Variants in INPP5D observed in about 807,000 individuals in gnomAD.
INPP5D encodes inositol polyphosphate-5-phosphatase D.
In INPP5D, 33 loss-of-function variants were observed where a neutral mutation model predicts 122.9. That is an observed-to-expected ratio of 0.27 (90% confidence interval 0.20 to 0.36). The LOEUF is 0.36. Ranked by LOEUF, INPP5D falls within the 10% of genes least tolerant of loss-of-function variation. INPP5D has a pLI of 1.00. For synonymous variants in INPP5D, 584 were observed against 576.2 expected (o/e 1.01, Z -0.19); for missense variants, 1,053 against 1,412.7 (o/e 0.75, Z 4.08).
intron 25 of INPP5D, among the ~76,000 whole-genome samples, chr2:233,203,680 C>T (rs909375157): frequency 1.3e-5 from 2 of 152,132 alleles, no homozygotes; most frequent in Admixed American, 6.5e-5. Flanking sequence ...CTGCTTGAAG[C>T]GAAGAGTTCA....
chr2:233,198,019 G>GAC, intron 24 of INPP5D, 76 bp from the exon 25 acceptor site: 1 of 1,456,152 alleles, frequency 6.9e-7, no homozygotes, highest in East Asian at 2.5e-5. Context: ...GTTATCAGAG[G>GAC]ACACTTTCCT....
intron 9 of INPP5D, 151 bp from the exon 10 acceptor site, chr2:233,158,162 C>CT: frequency 3.4e-6 from 2 of 582,010 alleles, no homozygotes; most frequent in Non-Finnish European, 6.1e-6. Flanking sequence ...GGAAGAGCAG[C>CT]TGGAAGCAGA....
intron 2 of INPP5D, among the ~76,000 whole-genome samples, chr2:233,080,580 G>GCT (rs1691656827): frequency 6.6e-6 from 1 of 152,192 alleles, no homozygotes; most frequent in Non-Finnish European, 1.5e-5. Context: ...TCATGTCATG[G>GCT]AAGAGCAATG....
At chr2:233,065,307 GT>G (rs376982879) in intron 1 of INPP5D, among the ~76,000 whole-genome samples, 34 of 116,954 alleles carry the variant, frequency 2.9e-4, no homozygotes, top group African/African-American at 7.2e-4. Flanking sequence ...CACTTCTTGG[GT>G]TTTTTTTTTT....
chr2:233,110,850 G>A (rs192026025), intron 2 of INPP5D, among the ~76,000 whole-genome samples: 4 of 152,016 alleles, frequency 2.6e-5, no homozygotes, highest in Admixed American at 6.5e-5. Context: ...GCTTGAACTC[G>A]GGAGGCGGAG....
chr2:233,082,992 G>T lies in INPP5D; in HGVS notation c.198+3594G>T, dbSNP rs1280666603. Among the ~76,000 whole-genome samples, 2 of 152,206 alleles carry T rather than the reference G, an allele frequency of 1.3e-5. No homozygotes were observed. The highest frequency in any genetic ancestry group is 4.8e-5 in the African/African-American group (2 of 41,454). Reference sequence around the variant, plus strand: ...GGCAATGTGGCCTCTCAGAGAGCTTGGCCTCTTGCCCTTCACATGGTTATA... The same window carrying T: ...GGCAATGTGGCCTCTCAGAGAGCTTTGCCTCTTGCCCTTCACATGGTTATA... On this transcript the variant is annotated intron_variant, in intron 2 of 26. Coordinates refer to ENST00000445964, the MANE Select transcript of INPP5D (RefSeq NM_001017915.3). The surrounding 1 kb of genome is among the most constrained non-coding windows in gnomAD (Gnocchi z 4.7).
Position 233,078,616 on chromosome 2 carries a change from G to T in INPP5D, c.135-719G>T, listed in dbSNP as rs1191200549. On this transcript the variant is annotated intron_variant, in intron 1 of 26. Transcript: ENST00000445964. The surrounding 1 kb of genome is among the most constrained non-coding windows in gnomAD (Gnocchi z 4.6). ...CCTGGCTTTCCATTCACCATGGGCC[G>T]CTCTGCTTGGGCCCACTGGAGTCGT... Among the ~76,000 whole-genome samples the T allele has an allele frequency of 6.6e-6, 1 of 152,182 alleles. No homozygotes were observed. The highest frequency in any genetic ancestry group is 1.5e-5 in the Non-Finnish European group (1 of 68,030).
intron 6 of INPP5D, among the ~76,000 whole-genome samples, chr2:233,144,927 G>T (rs1693719793): frequency 6.6e-6 from 1 of 151,996 alleles, no homozygotes; most frequent in Non-Finnish European, 1.5e-5. Flanking sequence ...AAGTAGCTGG[G>T]TGGAAAATTG....
chr2:233,114,137 T>C (rs1032766457), intron 2 of INPP5D, among the ~76,000 whole-genome samples: 15 of 152,174 alleles, frequency 9.9e-5, no homozygotes, highest in African/African-American at 3.4e-4. Context: ...CTCGATCTCC[T>C]GACCTTGTGA....
chr2:233,074,601 G>A (rs752466278), intron 1 of INPP5D, among the ~76,000 whole-genome samples: 13 of 151,902 alleles, frequency 8.6e-5, no homozygotes, highest in Non-Finnish European at 1.6e-4. Flanking sequence ...CTTCTACATT[G>A]GTGCAAATAG....
At chr2:233,168,986 C>T in intron 13 of INPP5D, 1 of 312,078 alleles carries the variant, frequency 3.2e-6, no homozygotes, top group Non-Finnish European at 6.2e-6. Context: ...CAGGCTGGAA[C>T]CTTCTGAATC....
chr2:233,103,533 CA>C (rs1470150658), intron 2 of INPP5D, among the ~76,000 whole-genome samples: 4 of 152,132 alleles, frequency 2.6e-5, no homozygotes, highest in East Asian at 3.9e-4. Flanking sequence ...TGGAGAACGG[CA>C]ATCTTTCAGA....
chr2:233,136,275 C>T (rs767902705), intron 5 of INPP5D, among the ~76,000 whole-genome samples: 4 of 152,134 alleles, frequency 2.6e-5, no homozygotes, highest in African/African-American at 9.7e-5. Flanking sequence ...GTCAGGAGTT[C>T]GAGACCAGCC....
At chr2:233,114,629 C>T (rs1042802098) in intron 2 of INPP5D, among the ~76,000 whole-genome samples, 11 of 152,288 alleles carry the variant, frequency 7.2e-5, no homozygotes, top group Admixed American at 2.6e-4. Context: ...GGTCAGTGGG[C>T]TCCGAGACCT....
intron 25 of INPP5D, among the ~76,000 whole-genome samples, chr2:233,201,364 C>G (rs1236860141): frequency 6.6e-6 from 1 of 152,232 alleles, no homozygotes; most frequent in Non-Finnish European, 1.5e-5. Flanking sequence ...ACAACGAGCA[C>G]ACAGCTTGGT....
chr2:233,161,279 CAG>C (rs1266163738), intron 10 of INPP5D, among the ~76,000 whole-genome samples: 4 of 152,018 alleles, frequency 2.6e-5, no homozygotes, highest in Non-Finnish European at 4.4e-5. Flanking sequence ...TTAGTAGAGA[CAG>C]GAGTTTCACC....
At chr2:233,079,601 G>A (rs550661603) in intron 2 of INPP5D, among the ~76,000 whole-genome samples, 8 of 152,248 alleles carry the variant, frequency 5.3e-5, no homozygotes, top group African/African-American at 1.2e-4. Flanking sequence ...GTGACATGAC[G>A]GAGTTGCATG....
rs1205012294 is a variant in INPP5D, at chr2:233,105,640, G to A, written c.199-16467G>A. ...GAGCCAGAGGGGAAGGGAAGGGTAAGAGGGTAGTGACCGCAAGCGGGCCGC... is the reference window on the plus strand; with the variant it reads ...GAGCCAGAGGGGAAGGGAAGGGTAAAAGGGTAGTGACCGCAAGCGGGCCGC... On this transcript the variant is annotated intron_variant, in intron 2 of 26. Coordinates refer to ENST00000445964, the MANE Select transcript of INPP5D (RefSeq NM_001017915.3). This position sits in a 1 kb window ranked among gnomAD's most constrained non-coding sequence, Gnocchi z 4.0. Among the ~76,000 whole-genome samples the A allele has an allele frequency of 6.6e-6, 1 of 152,232 alleles. No homozygotes were observed. The highest frequency in any genetic ancestry group is 1.5e-5 in the Non-Finnish European group (1 of 68,036).
At chr2:233,187,821 T>C (rs896388070) in intron 21 of INPP5D, among the ~76,000 whole-genome samples, 1 of 152,202 alleles carries the variant, frequency 6.6e-6, no homozygotes, top group Non-Finnish European at 1.5e-5. Context: ...CCCGTCCTCC[T>C]GCTCCTCCTC....
Sources: allele counts gnomAD v4.1 joint callset (sites outside exome capture counted in the v4.1 genomes callset), GRCh38; gene constraint gnomAD v4.1.1; non-coding constraint Gnocchi (gnomAD v3.1); transcripts MANE v1.5; gene names NCBI Gene and HGNC (gene_info 2026-07-23, HGNC 2026-07-21).